The following GALNTL6 variants were observed in gnomAD, a reference collection of about 807,000 sequenced individuals.
GALNTL6 encodes the protein polypeptide N-acetylgalactosaminyltransferase like 6.
GALNTL6 carries 46 observed loss-of-function variants against 73.7 expected under a neutral mutation model. That is an observed-to-expected ratio of 0.62 (90% confidence interval 0.49 to 0.80). The LOEUF is 0.80. Ranked by LOEUF, GALNTL6 falls within the 30% of genes least tolerant of loss-of-function variation. The pLI is 0.00. For synonymous variants in GALNTL6, 259 were observed against 263.7 expected, an observed-to-expected ratio of 0.98 and a Z score of 0.17; for missense variants, 604 against 755.0, an observed-to-expected ratio of 0.80 and a Z score of 2.34.
intron 5 of GALNTL6, among the ~76,000 whole-genome samples, chr4:172,536,688 T>A (rs904704697): frequency 4.6e-5 from 7 of 152,154 alleles, no homozygotes; most frequent in Admixed American, 1.3e-4. Context: ...TTTTATTCAT[T>A]CACAAAGATA....
chr4:172,898,449 TAAA>T (rs545908855), intron 8 of GALNTL6, among the ~76,000 whole-genome samples: 1 of 141,610 alleles, frequency 7.1e-6, no homozygotes. Context: ...AGATGGTATT[TAAA>T]AAAAAAAAAA....
intron 5 of GALNTL6, among the ~76,000 whole-genome samples, chr4:172,423,141 T>A (rs1262386778): frequency 6.6e-6 from 1 of 151,956 alleles, no homozygotes; most frequent in Non-Finnish European, 1.5e-5. Context: ...ATCTCCACTC[T>A]AGTCTGTGCT....
intron 3 of GALNTL6, among the ~76,000 whole-genome samples, chr4:172,235,562 C>A (rs1312748433): frequency 6.6e-6 from 1 of 152,080 alleles, no homozygotes; most frequent in African/African-American, 2.4e-5. Flanking sequence ...CTCTGTTCAT[C>A]TATTTTATTT....
intron 3 of GALNTL6, among the ~76,000 whole-genome samples, chr4:172,309,025 A>G (rs1181668883): frequency 1.3e-5 from 2 of 152,210 alleles, no homozygotes; most frequent in Non-Finnish European, 2.9e-5. Flanking sequence ...GAAAAGTAAT[A>G]AATGACATTT....
intron 3 of GALNTL6, among the ~76,000 whole-genome samples, chr4:172,308,014 T>TTTTA (rs1275610582): frequency 7.4e-6 from 1 of 135,080 alleles, no homozygotes; most frequent in Non-Finnish European, 1.6e-5. Context: ...TTTTTTTTTT[T>TTTTA]TTTTTTTTTT....
chr4:172,857,512 A>C (rs1560995974), intron 7 of GALNTL6, among the ~76,000 whole-genome samples: 1 of 152,154 alleles, frequency 6.6e-6, no homozygotes, highest in Non-Finnish European at 1.5e-5. Flanking sequence ...GACTTATCTG[A>C]AGGAAAGGGA....
At chr4:172,027,056 G>T (rs1741610790) in intron 2 of GALNTL6, among the ~76,000 whole-genome samples, 1 of 151,814 alleles carries the variant, frequency 6.6e-6, no homozygotes, top group Non-Finnish European at 1.5e-5. Context: ...TGCCCAGCCA[G>T]CCAATTGTTT....
At chr4:172,195,187 A>G (rs1032331249) in intron 2 of GALNTL6, among the ~76,000 whole-genome samples, 1 of 152,212 alleles carries the variant, frequency 6.6e-6, no homozygotes, top group African/African-American at 2.4e-5. Context: ...CAAAGATGAA[A>G]AAAAGACAAA....
intron 5 of GALNTL6, among the ~76,000 whole-genome samples, chr4:172,803,685 G>A (rs1308648251): frequency 6.6e-6 from 1 of 152,106 alleles, no homozygotes; most frequent in Non-Finnish European, 1.5e-5. Context: ...TTGCAAAAGG[G>A]TGACATTCTA....
chr4:171,819,427 C>T (rs1734625660), intron 2 of GALNTL6, among the ~76,000 whole-genome samples: 1 of 152,022 alleles, frequency 6.6e-6, no homozygotes, highest in African/African-American at 2.4e-5. Context: ...ATAATTTTTC[C>T]CCTCTATTCA....
chr4:172,735,849 C>T (rs2111402838), intron 5 of GALNTL6, among the ~76,000 whole-genome samples: 1 of 152,138 alleles, frequency 6.6e-6, no homozygotes, highest in African/African-American at 2.4e-5. Flanking sequence ...AGAAACAGTA[C>T]AAAAGAGAGA....
intron 8 of GALNTL6, among the ~76,000 whole-genome samples, chr4:172,894,495 T>A (rs1334839679): frequency 6.6e-6 from 1 of 152,204 alleles, no homozygotes; most frequent in Non-Finnish European, 1.5e-5. Context: ...ACTGGTACAG[T>A]TTACAAAGTT....
rs571387300 is a variant in GALNTL6, at chr4:171,869,680, C to T, written c.138+54962C>T. Reference sequence around the variant, plus strand: ...TTTGGCTGTGTCCTCACCCAAATCTCATCTTGAATTGTAGCTCCCATAATT... The same window carrying T: ...TTTGGCTGTGTCCTCACCCAAATCTTATCTTGAATTGTAGCTCCCATAATT... On this transcript the variant is annotated intron_variant, in intron 2 of 12. Coordinates refer to ENST00000506823, the MANE Select transcript of GALNTL6 (RefSeq NM_001034845.3). Among the ~76,000 whole-genome samples the T allele has an allele frequency of 7.2e-5, 11 of 152,260 alleles. No homozygotes were observed. The East Asian group carries it at 2.1e-3, about 29-fold the overall frequency.
At chr4:171,840,534 T>C (rs1735211059) in intron 2 of GALNTL6, among the ~76,000 whole-genome samples, 1 of 152,192 alleles carries the variant, frequency 6.6e-6, no homozygotes, top group Admixed American at 6.6e-5. Context: ...CCATCATTCT[T>C]ACAAAAGCCA....
At chr4:172,484,212 T>A (rs192229750) in intron 5 of GALNTL6, among the ~76,000 whole-genome samples, 9 of 152,294 alleles carry the variant, frequency 5.9e-5, no homozygotes, top group South Asian at 2.1e-4. Context: ...TCGCACCAGA[T>A]TAGAAATACT....
At chr4:172,438,742 A>T (rs1267253514) in intron 5 of GALNTL6, among the ~76,000 whole-genome samples, 2 of 152,010 alleles carry the variant, frequency 1.3e-5, no homozygotes, top group African/African-American at 4.8e-5. Flanking sequence ...TGTTGCCTGG[A>T]ATTAGGCCAC....
At chr4:171,991,160 CT>C in intron 2 of GALNTL6, among the ~76,000 whole-genome samples, 1 of 152,078 alleles carries the variant, frequency 6.6e-6, no homozygotes. Flanking sequence ...AGAAACATTT[CT>C]CTTGTAACAA....
chr4:172,546,388 A>G (rs1579175001), intron 5 of GALNTL6, among the ~76,000 whole-genome samples: 1 of 152,104 alleles, frequency 6.6e-6, no homozygotes, highest in African/African-American at 2.4e-5. Context: ...GACTATTCCC[A>G]TGATAGTTAT....
chr4:172,881,183 G>A (rs1257225431), intron 7 of GALNTL6, among the ~76,000 whole-genome samples: 1 of 152,150 alleles, frequency 6.6e-6, no homozygotes, highest in East Asian at 1.9e-4. Context: ...GTTCTTTGGG[G>A]AACTGCACTC....
Sources: gnomAD v4.1 joint callset for allele counts (sites outside exome capture counted in the v4.1 genomes callset) on GRCh38, gnomAD v4.1.1 for gene constraint, MANE v1.5 for transcripts, NCBI Gene and HGNC (gene_info 2026-07-23, HGNC 2026-07-21) for gene names.